The following SP9 variants were observed in gnomAD, a reference collection of about 807,000 sequenced individuals.
The protein encoded by SP9 is Sp9 transcription factor.
A neutral mutation model predicts 23.0 loss-of-function variants in SP9; 5 were observed. That is an observed-to-expected ratio of 0.22 (90% CI 0.11 to 0.46). The LOEUF is 0.46. SP9 is among the 20% of genes least tolerant of loss of function. SP9 has a pLI of 0.99. For missense variants in SP9, 542 were observed against 724.0 expected (o/e 0.75, Z 2.88); for synonymous variants, 360 against 356.5 (o/e 1.01, Z -0.11).
Position 174,337,186 on chromosome 2 carries a change from C to G in SP9, c.1101C>G (p.Leu367=). 6.2e-7 allele frequency: 1 copy of G among 1,606,406 alleles called. No individual in the cohort carries two copies. Among genetic ancestry groups the G allele is most frequent in the Non-Finnish European group, 8.5e-7 (1 of 1,177,002 alleles). The change falls in exon 2 of 2, where the codon CTC becomes CTG. Residue 367 remains leucine (L), a synonymous_variant. Transcript: ENST00000394967. ...TGERPFVCNW[L]FCGKRFTRSD... is the part of the protein sequence containing the mutation. ...AGCGGCCCTTCGTGTGCAACTGGCT[C>G]TTCTGCGGCAAGCGCTTCACGCGCT...
rs1684417777 is a variant in SP9, at chr2:174,336,612, C to T, written c.527C>T (p.Ala176Val). The change falls in exon 2 of 2, where the codon GCG (alanine) becomes GTG (valine). Residue 176 changes from alanine (A) to valine (V), a missense_variant. Transcript: ENST00000394967. ...GCGGCCGGCGAGGTGACCAACGGCG[C>T]GGCGTCGTCGTGGTGGGACGTGCAC... ...TLAAGEVTNG[A>V]ASSWWDVHSS... 9.1e-6 allele frequency: 13 copies of T among 1,428,166 alleles called. No homozygotes were observed. The highest frequency in any genetic ancestry group is 2.8e-5 in the Admixed American group (1 of 35,900). The allele number at this position is 1,428,166 out of a possible 1,614,324, so 88.5% of individuals were successfully genotyped here.
Position 174,336,212 on chromosome 2 carries a change from G to T in SP9, c.127G>T (p.Ala43Ser), listed in dbSNP as rs922070308. 25 of 1,550,012 alleles carry T rather than the reference G, an allele frequency of 1.6e-5. No individual in the cohort carries two copies. In the Admixed American group the frequency reaches 1.8e-4, roughly 11 times the overall value. ...GACGCTGCCAGAGTCGAGCGCCTTC[G>T]CCAAAGGCGGCTTTCACCCCTGGAA... ...LTTLPESSAFAKGGFHPWKRS... is the reference protein window; with the variant it reads ...LTTLPESSAFSKGGFHPWKRS... Residue 43 changes from alanine to serine, a missense_variant, in exon 2 of 2, where the codon GCC (alanine) becomes TCC (serine). Transcript: ENST00000394967.
rs1001824534 is a variant in SP9 at position 174,336,356 on chromosome 2, C to T, written c.271C>T (p.Leu91=). The T allele has an allele frequency of 6.7e-7, 1 of 1,499,074 alleles. No individual in the cohort carries two copies. The highest frequency in any genetic ancestry group is 1.5e-5 in the African/African-American group (1 of 68,382). The allele number at this position is 1,499,074 out of a possible 1,614,324, so 92.9% of individuals were successfully genotyped here. A position where few individuals can be genotyped will look rare whatever the true frequency, so the allele number is the denominator to read the frequency against. ...GSGAANSAFC[L]ASTSPTSSAF... ...GGGCGCCGCCAACAGCGCCTTCTGC[C>T]TGGCCTCCACGTCGCCCACGTCGTC... The change falls in exon 2 of 2, where the codon CTG becomes TTG. Residue 91 remains leucine, a synonymous_variant. Coordinates refer to ENST00000394967, the MANE Select transcript of SP9 (RefSeq NM_001145250.2).
Position 174,336,934 on chromosome 2 carries a change from A to G in SP9, c.849A>G (p.Ile283Met). Residue 283 changes from isoleucine to methionine, a missense_variant, in exon 2 of 2, where the codon ATA (isoleucine) becomes ATG (methionine). Ile to Met is a conservative substitution (Grantham distance 10, BLOSUM62 1). This residue lies in a region of SP9 where 56 missense variants were observed against 97.8 expected (regional missense o/e 0.57). Transcript: ENST00000394967. ...AVAAAAASAM[I>M]SGAAAAAAGG... ...CAGCCGCCGCCGCCAGCGCCATGATATCGGGCGCCGCGGCTGCCGCCGCCG... is the reference window on the plus strand; with the variant it reads ...CAGCCGCCGCCGCCAGCGCCATGATGTCGGGCGCCGCGGCTGCCGCCGCCG... 6.9e-7 allele frequency: 1 copy of G among 1,457,210 alleles called. No homozygotes were observed. Among genetic ancestry groups the G allele is most frequent in the Non-Finnish European group, 9.0e-7 (1 of 1,113,770 alleles). The allele number at this position is 1,457,210 out of a possible 1,614,324, so 90.3% of individuals were successfully genotyped here. A position where few individuals can be genotyped will look rare whatever the true frequency, so the allele number is the denominator to read the frequency against.
Position 174,336,650 on chromosome 2 carries a change from T to A in SP9, c.565T>A (p.Ser189Thr), listed in dbSNP as rs1391310395. The A allele has an allele frequency of 8.7e-6, 13 of 1,499,378 alleles. No homozygotes were observed. Among genetic ancestry groups the A allele is most frequent in the Non-Finnish European group, 1.1e-5 (12 of 1,129,238 alleles). The allele number at this position is 1,499,378 out of a possible 1,614,324, so 92.9% of individuals were successfully genotyped here. The change falls in exon 2 of 2, where the codon TCG becomes ACG. Residue 189 changes from serine to threonine, a missense_variant. By Grantham distance (58) the Ser-to-Thr change is moderately conservative (BLOSUM62 1). Transcript: ENST00000394967. ...GTGGGACGTGCACAGCAGCCCGGGC[T>A]CGTGGCTGGAAGTGCAGAACCCCGC... Reference protein sequence around the residue: ...SWWDVHSSPGSWLEVQNPAGG... With the variant: ...SWWDVHSSPGTWLEVQNPAGG...
In SP9 at chr2:174,335,116, A is replaced by G; in HGVS notation, c.21+3A>G. 6.4e-7 allele frequency: 1 copy of G among 1,551,752 alleles called. No individual in the cohort carries two copies. Among genetic ancestry groups the G allele is most frequent in the East Asian group, 2.4e-5 (1 of 40,922 alleles). On this transcript the variant is annotated splice_donor_region_variant and intron_variant, in intron 1 of 1. Transcript: ENST00000394967. ...CTATGGCCACGTCTATACTCGGGGT[A>G]AGTCGCAAGCGCGGCAACGCATTTG...
rs755628379 is a variant in SP9, at chr2:174,337,456, A to AGCGGCG, written c.1380_1385dup (p.Ala469_Ala470dup). ...GCGTCAGTGCCGCCCGGGCGGCGGC[A>AGCGGCG]GCGGCGGCGGCGGCAGCGGCGGCGG... On this transcript the variant is annotated inframe_insertion, in exon 2 of 2. Coordinates refer to ENST00000394967, the MANE Select transcript of SP9 (RefSeq NM_001145250.2). 2.2e-4 allele frequency: 278 copies of AGCGGCG among 1,265,912 alleles called. No individual in the cohort carries two copies. The highest frequency in any genetic ancestry group is 2.2e-3 in the African/African-American group (138 of 62,996). The allele number at this position is 1,265,912 out of a possible 1,614,324, so 78.4% of individuals were successfully genotyped here.
rs1684439502 is a variant in SP9, at chr2:174,337,519, G to A, written c.1434G>A (p.Ala478=). Residue 478 remains alanine (A), a synonymous_variant, in exon 2 of 2, where the codon GCG becomes GCA. Coordinates refer to ENST00000394967, the MANE Select transcript of SP9 (RefSeq NM_001145250.2). ...CCTCCGCGGGAGGCAAGGAAGCAGC[G>A]TCTGGCCCCAACGACTCTTAGAGGC... The part of the protein sequence containing the change: ...AAASAGGKEA[A]SGPNDS The A allele has an allele frequency of 8.5e-7, 1 of 1,174,806 alleles. No homozygotes were observed. The highest frequency in any genetic ancestry group is 1.6e-5 in the African/African-American group (1 of 61,140). 72.8% of individuals were successfully genotyped at this position (1,174,806 alleles called of 1,614,324 possible).
rs1450187935 is a variant in SP9 at position 174,336,262 on chromosome 2, C to G, written c.177C>G (p.Leu59=). The change falls in exon 2 of 2, where the codon CTC becomes CTG. Residue 59 remains leucine, a synonymous_variant. Transcript: ENST00000394967. ...AGCGCTCCTCGTCCAGCTGCAACCT[C>G]GGCTCCAGCCTCTCGGGCTTCGCGG... is the stretch of plus-strand genomic sequence containing the variant. The part of the protein sequence containing the change: ...PWKRSSSSCN[L]GSSLSGFAVA... 2 of 1,541,016 alleles carry G rather than the reference C, an allele frequency of 1.3e-6. No homozygotes were observed. Among genetic ancestry groups the G allele is most frequent in the East Asian group, 2.5e-5 (1 of 39,986 alleles).
At position 174,336,579 on chromosome 2, in the gene SP9, C is replaced by T; in HGVS notation, c.494C>T (p.Ser165Leu). 7.0e-7 allele frequency: 1 copy of T among 1,425,658 alleles called. No individual in the cohort carries two copies. Among genetic ancestry groups the T allele is most frequent in the Admixed American group, 2.8e-5 (1 of 35,264 alleles). The allele number at this position is 1,425,658 out of a possible 1,614,324, so 88.3% of individuals were successfully genotyped here. ...YESWYKSGFH[S>L]TLAAGEVTNG... ...TCCTGGTACAAGTCGGGCTTCCATTCGACGCTGGCGGCCGGCGAGGTGACC... is the reference window on the plus strand; with the variant it reads ...TCCTGGTACAAGTCGGGCTTCCATTTGACGCTGGCGGCCGGCGAGGTGACC... The change falls in exon 2 of 2, where the codon TCG becomes TTG. Residue 165 changes from serine to leucine, a missense_variant. Transcript: ENST00000394967.
At position 174,336,648 on chromosome 2, in the gene SP9, G is replaced by T; in HGVS notation, c.563G>T (p.Gly188Val). The change falls in exon 2 of 2, where the codon GGC becomes GTC. Residue 188 changes from glycine (G) to valine (V), a missense_variant. Physicochemically the swap from Gly to Val is moderately radical, Grantham distance 109. Transcript: ENST00000394967. ...TGGTGGGACGTGCACAGCAGCCCGG[G>T]CTCGTGGCTGGAAGTGCAGAACCCC... ...SSWWDVHSSPGSWLEVQNPAG... is the reference protein window; with the variant it reads ...SSWWDVHSSPVSWLEVQNPAG... The T allele has an allele frequency of 6.7e-7, 1 of 1,497,054 alleles. No individual in the cohort carries two copies. The highest frequency in any genetic ancestry group is 8.9e-7 in the Non-Finnish European group (1 of 1,128,198). The allele number at this position is 1,497,054 out of a possible 1,614,324, so 92.7% of individuals were successfully genotyped here. A position where few individuals can be genotyped will look rare whatever the true frequency, so the allele number is the denominator to read the frequency against.
Position 174,336,204 on chromosome 2 carries a change from G to A in SP9, c.119G>A (p.Ser40Asn). 6.4e-7 allele frequency: 1 copy of A among 1,550,440 alleles called. No homozygotes were observed. Among genetic ancestry groups the A allele is most frequent in the Non-Finnish European group, 8.7e-7 (1 of 1,146,482 alleles). Residue 40 changes from serine to asparagine, a missense_variant, in exon 2 of 2, where the codon AGC becomes AAC. By Grantham distance (46) the Ser-to-Asn change is conservative. Transcript: ENST00000394967. ...CCGCTGACGACGCTGCCAGAGTCGA[G>A]CGCCTTCGCCAAAGGCGGCTTTCAC... ...TSPLTTLPES[S>N]AFAKGGFHPW...
rs1330170079 is a variant in SP9, at chr2:174,338,431, G to A, written c.*891G>A. 1 of 152,060 alleles carries A rather than the reference G, an allele frequency of 6.6e-6. No homozygotes were observed. Among genetic ancestry groups the A allele is most frequent in the Admixed American group, 6.5e-5 (1 of 15,272 alleles). 9.4% of individuals were successfully genotyped at this position (152,060 alleles called of 1,614,324 possible). A position where few individuals can be genotyped will look rare whatever the true frequency, so the allele number is the denominator to read the frequency against. On this transcript the variant is annotated 3_prime_UTR_variant, in exon 2 of 2. Transcript: ENST00000394967. ...AAGGTCATCTAAAGAAATTAAATGC[G>A]TTTATCTGTATCAAGAAAATCTTGA...
rs909452638 is a variant in SP9, at chr2:174,336,334, C to T, written c.249C>T (p.Gly83=). The T allele has an allele frequency of 3.3e-6, 5 of 1,497,416 alleles. No homozygotes were observed. The highest frequency in any genetic ancestry group is 4.5e-5 in the Admixed American group (2 of 44,906). The allele number at this position is 1,497,416 out of a possible 1,614,324, so 92.8% of individuals were successfully genotyped here. ...CGGGCGGCCTGGCGGGCGGCTCGGG[C>T]GCCGCCAACAGCGCCTTCTGCCTGG... ...RGSGGLAGGS[G]AANSAFCLAS... Residue 83 remains glycine (G), a synonymous_variant, in exon 2 of 2, where the codon GGC becomes GGT. Coordinates refer to ENST00000394967, the MANE Select transcript of SP9 (RefSeq NM_001145250.2).
rs1684433009 is a variant in SP9, at chr2:174,337,364, G to C, written c.1279G>C (p.Asp427His). Residue 427 changes from aspartate (D) to histidine (H), a missense_variant, in exon 2 of 2, where the codon GAC becomes CAC. Asp to His is a moderately conservative substitution (Grantham distance 81). This residue lies in a region of SP9 where 35 missense variants were observed against 67.2 expected (regional missense o/e 0.52). Transcript: ENST00000394967. ...GGGGKKGSDS[D>H]TDASNLETPR... ...CGGGGGCAAAAAGGGCAGCGACAGT[G>C]ACACGGACGCCAGCAACCTGGAGAC... The C allele has an allele frequency of 6.5e-7, 1 of 1,549,938 alleles. No individual in the cohort carries two copies. Among genetic ancestry groups the C allele is most frequent in the Non-Finnish European group, 8.7e-7 (1 of 1,146,636 alleles).
chr2:174,337,056 C>G lies in SP9; in HGVS notation c.971C>G (p.Ala324Gly). The change falls in exon 2 of 2, where the codon GCG becomes GGG. Residue 324 changes from alanine (A) to glycine (G), a missense_variant. Ala to Gly is a moderately conservative substitution (Grantham distance 60, BLOSUM62 0). Coordinates refer to ENST00000394967, the MANE Select transcript of SP9 (RefSeq NM_001145250.2). Reference sequence around the variant, plus strand: ...GCGGAGCGGCTGGGCCCGGCCGGGGCGAGCCTGCGGCGCAAGGGCCTGCAC... The same window carrying G: ...GCGGAGCGGCTGGGCCCGGCCGGGGGGAGCCTGCGGCGCAAGGGCCTGCAC... ...QEAERLGPAG[A>G]SLRRKGLHSC... The G allele has an allele frequency of 6.5e-7, 1 of 1,541,676 alleles. No homozygotes were observed. The highest frequency in any genetic ancestry group is 2.2e-4 in the Middle Eastern group (1 of 4,452).
rs1036444724 is a variant in SP9 at position 174,336,285 on chromosome 2, C to G, written c.200C>G (p.Ala67Gly). ...CTCGGCTCCAGCCTCTCGGGCTTCG[C>G]GGTGGCCACCGGGGGCCGTGGCTCG... Reference protein sequence around the residue: ...CNLGSSLSGFAVATGGRGSGG... With the variant: ...CNLGSSLSGFGVATGGRGSGG... The change falls in exon 2 of 2, where the codon GCG (alanine) becomes GGG (glycine). Residue 67 changes from alanine (A) to glycine (G), a missense_variant. Ala to Gly is a moderately conservative substitution (Grantham distance 60). Coordinates refer to ENST00000394967, the MANE Select transcript of SP9 (RefSeq NM_001145250.2). 6.6e-7 allele frequency: 1 copy of G among 1,523,216 alleles called. No homozygotes were observed. Among genetic ancestry groups the G allele is most frequent in the Non-Finnish European group, 8.8e-7 (1 of 1,137,206 alleles). 94.4% of individuals were successfully genotyped at this position (1,523,216 alleles called of 1,614,324 possible).
rs1213951986 is a variant in SP9 at position 174,337,473 on chromosome 2, C to T, written c.1388C>T (p.Ala463Val). Reference protein sequence around the residue: ...ARAAAAAAAAAAAAAAAASAG... With the variant: ...ARAAAAAAAAVAAAAAAASAG... ...GCGGCGGCAGCGGCGGCGGCGGCAG[C>T]GGCGGCGGCGGCGGCGGCGGCCTCC... The change falls in exon 2 of 2, where the codon GCG becomes GTG. Residue 463 changes from alanine to valine, a missense_variant. Coordinates refer to ENST00000394967, the MANE Select transcript of SP9 (RefSeq NM_001145250.2). The T allele has an allele frequency of 9.0e-7, 1 of 1,108,818 alleles. No individual in the cohort carries two copies. The highest frequency in any genetic ancestry group is 1.1e-6 in the Non-Finnish European group (1 of 888,362). The allele number at this position is 1,108,818 out of a possible 1,614,324, so 68.7% of individuals were successfully genotyped here. A position where few individuals can be genotyped will look rare whatever the true frequency, so the allele number is the denominator to read the frequency against.
rs1338949775 is a variant in SP9, at chr2:174,337,273, G to A, written c.1188G>A (p.Val396=). Residue 396 remains valine, a synonymous_variant, in exon 2 of 2, where the codon GTG becomes GTA. Transcript: ENST00000394967. The part of the protein sequence containing the change: ...HTGEKRFACP[V]CNKRFMRSDH... ...GCGAGAAGCGCTTCGCCTGTCCGGT[G>A]TGCAACAAGCGCTTCATGCGCAGCG... The A allele has an allele frequency of 3.8e-6, 6 of 1,562,150 alleles. No homozygotes were observed. The South Asian group carries it at 5.9e-5, about 15-fold the overall frequency.
Sources: gnomAD v4.1 joint callset for allele counts on GRCh38, gnomAD v4.1.1 for gene constraint, gnomAD v4.1.1 regional missense constraint, MANE v1.5 for transcripts, NCBI Gene and HGNC (gene_info 2026-07-23, HGNC 2026-07-21) for gene names.